ZNF253: variants seen among roughly 807,000 people sequenced by gnomAD.
ZNF253 encodes the protein zinc finger protein 253.
In ZNF253, 8 loss-of-function variants were observed where a neutral mutation model predicts 11.9. The observed-to-expected ratio is 0.67, with a 90% CI of 0.40 to 1.22. The LOEUF (loss-of-function observed/expected upper bound fraction) is 1.22, where lower values mean the gene tolerates loss of function less well. ZNF253 is among the 50% of genes most tolerant of loss of function. ZNF253 has a pLI of 0.01. For missense variants in ZNF253, 485 were observed against 586.9 expected, an observed-to-expected ratio of 0.83 and a Z score of 1.79; for synonymous variants, 194 against 194.9, an observed-to-expected ratio of 1.00 and a Z score of 0.04.
intron 3 of ZNF253, among the ~76,000 whole-genome samples, chr19:19,891,227 A>G (rs1422928329): frequency 6.6e-6 from 1 of 152,110 alleles, no homozygotes; most frequent in African/African-American, 2.4e-5. Context: ...TTTTTCTTCT[A>G]TGTGGCTATT....
Position 19,891,677 on chromosome 19 carries a change from T to G in ZNF253, c.430T>G (p.Phe144Val). Residue 144 changes from phenylalanine (F) to valine (V), a missense_variant, in exon 4 of 4, where the codon TTT becomes GTT. Physicochemically the swap from Phe to Val is conservative, Grantham distance 50. This residue lies in a region of ZNF253 where 218 missense variants were observed against 213.1 expected (regional missense o/e 1.02). Transcript: ENST00000589717. ...TTTGACAACTACCCAGAAAGAAATA[T>G]TTCAATGTGATAAATATGGAAAAGT... Reference protein sequence around the residue: ...QCLTTTQKEIFQCDKYGKVFH... With the variant: ...QCLTTTQKEIVQCDKYGKVFH... The G allele has an allele frequency of 6.2e-7, 1 of 1,614,064 alleles. No individual in the cohort carries two copies. The highest frequency in any genetic ancestry group is 8.5e-7 in the Non-Finnish European group (1 of 1,179,982).
intron 1 of ZNF253, among the ~76,000 whole-genome samples, chr19:19,876,996 T>G (rs1178054374): frequency 6.6e-6 from 1 of 152,212 alleles, no homozygotes. Flanking sequence ...AAATGTTCCC[T>G]TCGTGGCTGT....
Position 19,880,144 on chromosome 19 carries a change from C to A in ZNF253, c.224C>A (p.Pro75Gln). The A allele has an allele frequency of 1.2e-6, 2 of 1,601,112 alleles. No individual in the cohort carries two copies. Among genetic ancestry groups the A allele is most frequent in the Non-Finnish European group, 1.7e-6 (2 of 1,174,298 alleles). The change falls in exon 3 of 4, where the codon CCA becomes CAA. Residue 75 changes from proline (P) to glutamine (Q), a missense_variant and splice_region_variant. By Grantham distance (76) the Pro-to-Gln change is moderately conservative (BLOSUM62 -1). Coordinates refer to ENST00000589717, the MANE Select transcript of ZNF253 (RefSeq NM_021047.3). ...AGACATGAGATGATTGCCAAACCCC[C>A]AGGTAGGTACGAGTGAAAACGAATA... ...MERHEMIAKPPVMSSHFAQDL... is the reference protein window; with the variant it reads ...MERHEMIAKPQVMSSHFAQDL...
At position 19,867,317 on chromosome 19, in the gene ZNF253, TATTCCATGATA is replaced by T. The variant is rs761209184; in HGVS notation, c.3+1319_3+1329del. On this transcript the variant is annotated intron_variant, in intron 1 of 3. Coordinates refer to ENST00000589717, the MANE Select transcript of ZNF253 (RefSeq NM_021047.3). ...CATTTATTTTTAAATGGCCAGAGAG[TATTCCATGATA>T]TTTATGTACCATATTTTGTTTTTAC... 8.6e-3 allele frequency among the ~76,000 whole-genome samples: 1,314 copies of T among 152,300 alleles called. 10 individuals are homozygous for T. The highest frequency in any genetic ancestry group is 0.02 in the Middle Eastern group (6 of 294).
intron 3 of ZNF253, among the ~76,000 whole-genome samples, chr19:19,885,111 A>G (rs547720753): frequency 6.6e-6 from 1 of 152,014 alleles, no homozygotes; most frequent in East Asian, 1.9e-4. Context: ...AGAAATTTTG[A>G]AGTATAGTGT....
chr19:19,870,914 T>C (rs763582410), intron 1 of ZNF253: 1 of 152,164 alleles, frequency 6.6e-6, no homozygotes, highest in Non-Finnish European at 1.5e-5. Flanking sequence ...AGAGAGAAAT[T>C]GCTTTTAGGG....
intron 3 of ZNF253, 60 bp downstream of exon 3, chr19:19,880,206 G>T: frequency 8.1e-7 from 1 of 1,227,928 alleles, no homozygotes; most frequent in Non-Finnish European, 1.1e-6. Context: ...CAATGTCAAA[G>T]AGAAAACCAG....
chr19:19,889,994 T>A (rs1159996175), intron 3 of ZNF253, among the ~76,000 whole-genome samples: 1 of 152,246 alleles, frequency 6.6e-6, no homozygotes, highest in Admixed American at 6.5e-5. Flanking sequence ...TATGGCTGCT[T>A]TTGAAAATTT....
intron 1 of ZNF253, among the ~76,000 whole-genome samples, chr19:19,875,695 A>G (rs2063152521): frequency 6.6e-6 from 1 of 151,980 alleles, no homozygotes; most frequent in Non-Finnish European, 1.5e-5. Context: ...GCGCCCAGCC[A>G]TTAAACTCTT....
At chr19:19,879,948 G>T in intron 2 of ZNF253, 103 bp from the exon 3 acceptor site, 2 of 495,366 alleles carry the variant, frequency 4.0e-6, no homozygotes, top group Non-Finnish European at 3.3e-6. Flanking sequence ...TTTTGGTATT[G>T]ATTTACTGGA....
At position 19,885,337 on chromosome 19, in the gene ZNF253, TCTTTCTTTCTTTCTTTCTTC is replaced by T. The variant is rs1568499231; in HGVS notation, c.226+5200_226+5219del. ...TTCTTTCTTTCTTTCTTTCTTTCTT[TCTTTCTTTCTTTCTTTCTTC>T]CTTTCTTTTCTTTCTTTTCTTTCTT... On this transcript the variant is annotated intron_variant, in intron 3 of 3. Transcript: ENST00000589717. Among the ~76,000 whole-genome samples the T allele has an allele frequency of 4.2e-4, 31 of 73,452 alleles. 1 individual carries two copies. Among genetic ancestry groups the T allele is most frequent in the African/African-American group, 4.2e-3 (29 of 6,932 alleles). The allele number at this position is 73,452 out of a possible 152,430, so 48.2% of individuals were successfully genotyped here.
intron 3 of ZNF253, among the ~76,000 whole-genome samples, chr19:19,888,332 G>A (rs544634124): frequency 6.6e-6 from 1 of 152,264 alleles, no homozygotes; most frequent in South Asian, 2.1e-4. Flanking sequence ...CCAATGTGCT[G>A]GGATTACAGG....
chr19:19,867,006 A>G (rs921077057), intron 1 of ZNF253, among the ~76,000 whole-genome samples: 1 of 152,160 alleles, frequency 6.6e-6, no homozygotes, highest in African/African-American at 2.4e-5. Context: ...AGAGGAATCT[A>G]TTATATCTGT....
At chr19:19,866,251 C>G (rs1169123429) in intron 1 of ZNF253, among the ~76,000 whole-genome samples, 1 of 152,162 alleles carries the variant, frequency 6.6e-6, no homozygotes, top group East Asian at 1.9e-4. Context: ...CCGCGTCTCT[C>G]CCAGATCATG....
chr19:19,881,280 T>C (rs868495322), intron 3 of ZNF253, among the ~76,000 whole-genome samples: 13 of 152,302 alleles, frequency 8.5e-5, no homozygotes, highest in Middle Eastern at 3.4e-3. Flanking sequence ...AAGATTTTTT[T>C]CTCTATTTTA....
At chr19:19,870,025 A>G (rs1173701393) in intron 1 of ZNF253, among the ~76,000 whole-genome samples, 1 of 152,060 alleles carries the variant, frequency 6.6e-6, no homozygotes, top group Non-Finnish European at 1.5e-5. Context: ...ATTCACTTAA[A>G]TGGTTATTTT....
chr19:19,870,724 T>TA (rs1273182373), intron 1 of ZNF253: 2 of 152,152 alleles, frequency 1.3e-5, no homozygotes, highest in Non-Finnish European at 2.9e-5. Context: ...TTCTTCATCT[T>TA]AAAGTGTTGT....
At chr19:19,878,739 A>G (rs1424838079) in intron 2 of ZNF253, 132 bp downstream of exon 2, 1 of 909,502 alleles carries the variant, frequency 1.1e-6, no homozygotes, top group East Asian at 3.0e-5. Flanking sequence ...GCGCCTGGCC[A>G]TATTTTATTT....
chr19:19,877,324 A>AG (rs2063159622), intron 1 of ZNF253, among the ~76,000 whole-genome samples: 1 of 150,824 alleles, frequency 6.6e-6, no homozygotes, highest in African/African-American at 2.4e-5. Context: ...TTCAGATTTT[A>AG]TTTACTTTCT....
Sources: gnomAD v4.1 joint callset for allele counts (sites outside exome capture counted in the v4.1 genomes callset) on GRCh38, gnomAD v4.1.1 for gene constraint, gnomAD v4.1.1 regional missense constraint, MANE v1.5 for transcripts, NCBI Gene and HGNC (gene_info 2026-07-23, HGNC 2026-07-21) for gene names.